CD2AP: variants seen among roughly 807,000 people sequenced by gnomAD.
CD2AP encodes CD2-associated protein.
In CD2AP, 46 loss-of-function variants were observed where a neutral mutation model predicts 85.1. The observed-to-expected ratio is 0.54, with a 90% confidence interval of 0.43 to 0.69. CD2AP has a LOEUF of 0.69. Among genes scored for constraint, CD2AP ranks in the 30% least tolerant of loss-of-function variants. The probability of loss-of-function intolerance (pLI) is 0.00; values close to 1 mark genes in which losing one functional copy is unlikely to be tolerated. For synonymous variants in CD2AP, 255 were observed against 252.9 expected, an observed-to-expected ratio of 1.01 and a Z score of -0.08; for missense variants, 769 against 729.5, an observed-to-expected ratio of 1.05 and a Z score of -0.62.
chr6:47,619,092 A>G (rs758595406), intron 17 of CD2AP, among the ~76,000 whole-genome samples: 1 of 152,102 alleles, frequency 6.6e-6, no homozygotes, highest in Non-Finnish European at 1.5e-5. Context: ...TTTTTTCCAT[A>G]CATTATTGGG....
chr6:47,522,131 G>A (rs926061841), intron 2 of CD2AP, among the ~76,000 whole-genome samples: 7 of 152,146 alleles, frequency 4.6e-5, no homozygotes, highest in Non-Finnish European at 8.8e-5. Context: ...TGCAGAGTCC[G>A]ATCACCTGAG....
intron 3 of CD2AP, among the ~76,000 whole-genome samples, chr6:47,539,057 T>G (rs1457893332): frequency 6.6e-6 from 1 of 152,206 alleles, no homozygotes; most frequent in Non-Finnish European, 1.5e-5. Context: ...TCTAGGCAAT[T>G]AATTAAATCT....
intron 17 of CD2AP, among the ~76,000 whole-genome samples, chr6:47,614,943 T>A (rs1769540345): frequency 6.6e-6 from 1 of 152,216 alleles, no homozygotes; most frequent in African/African-American, 2.4e-5. Context: ...ATTTCCTTTA[T>A]CTTTCTTAGC....
In CD2AP at chr6:47,493,592, G is replaced by A. The variant is rs1459128893; in HGVS notation, c.5-9688G>A. On this transcript the variant is annotated intron_variant, in intron 1 of 17. Coordinates refer to ENST00000359314, the MANE Select transcript of CD2AP (RefSeq NM_012120.3). ...TGTTCTCTTAGTTTTCCGGATGTGT[G>A]GTTTGGTGTACCTTATTATTTTTGG... Among the ~76,000 whole-genome samples, 4 of 151,622 alleles carry A rather than the reference G, an allele frequency of 2.6e-5. No homozygotes were observed. In the East Asian group the frequency reaches 5.8e-4, roughly 22 times the overall value.
At chr6:47,615,523 G>A (rs1194637960) in intron 17 of CD2AP, among the ~76,000 whole-genome samples, 1 of 152,040 alleles carries the variant, frequency 6.6e-6, no homozygotes, top group African/African-American at 2.4e-5. Flanking sequence ...TTCATGTGGC[G>A]AGAGAGGGAG....
intron 1 of CD2AP, among the ~76,000 whole-genome samples, chr6:47,502,209 TAGC>T (rs1168244561): frequency 2.0e-5 from 3 of 152,262 alleles, no homozygotes; most frequent in Non-Finnish European, 4.4e-5. Flanking sequence ...GCTTACAGCA[TAGC>T]AGCTTGTGTC....
Position 47,616,082 on chromosome 6 carries a change from C to CTTTTTTTTTTTTTTTTTTTTT in CD2AP, c.1878+3553_1878+3573dup, listed in dbSNP as rs562350159. ...GCAGGCATGAGCCACTGCGCCTGGC[C>CTTTTTTTTTTTTTTTTTTTTT]TTTTTTTTTTTTTTTTTTTTTTTTT... is the stretch of plus-strand genomic sequence containing the variant. On this transcript the variant is annotated intron_variant, in intron 17 of 17. Transcript: ENST00000359314. 7.8e-5 allele frequency among the ~76,000 whole-genome samples: 5 copies of CTTTTTTTTTTTTTTTTTTTTT among 63,812 alleles called. 1 individual carries two copies. Among genetic ancestry groups the CTTTTTTTTTTTTTTTTTTTTT allele is most frequent in the Non-Finnish European group, 1.2e-4 (4 of 34,518 alleles). 41.9% of individuals were successfully genotyped at this position (63,812 alleles called of 152,430 possible).
At chr6:47,570,087 T>A (rs1303397649) in intron 5 of CD2AP, among the ~76,000 whole-genome samples, 1 of 152,190 alleles carries the variant, frequency 6.6e-6, no homozygotes, top group Non-Finnish European at 1.5e-5. Context: ...AAAGATGACT[T>A]TAATGGTGAA....
intron 4 of CD2AP, among the ~76,000 whole-genome samples, chr6:47,551,185 T>TA (rs56246987): frequency 1.3e-5 from 2 of 151,314 alleles, no homozygotes; most frequent in South Asian, 4.2e-4. Context: ...CCTATGGAAA[T>TA]AAAAAAAAGA....
intron 2 of CD2AP, among the ~76,000 whole-genome samples, chr6:47,527,178 G>T (rs1008645952): frequency 6.6e-6 from 1 of 152,050 alleles, no homozygotes; most frequent in Non-Finnish European, 1.5e-5. Context: ...ACATGAAGAG[G>T]TCATGTTCAT....
intron 3 of CD2AP, among the ~76,000 whole-genome samples, chr6:47,538,757 T>C (rs1366521286): frequency 6.6e-6 from 1 of 152,190 alleles, no homozygotes; most frequent in African/African-American, 2.4e-5. Context: ...CAGTCTTCAG[T>C]GAGAAATGGT....
At chr6:47,553,513 A>ATTTTTTTTTTTTTTTTTTT (rs148273065) in intron 4 of CD2AP, among the ~76,000 whole-genome samples, 1 of 110,516 alleles carries the variant, frequency 9.0e-6, no homozygotes, top group East Asian at 2.7e-4. Context: ...CACCTAGTGA[A>ATTTTTTTTTTTTTTTTTTT]TTTTTTTTTT....
intron 2 of CD2AP, among the ~76,000 whole-genome samples, chr6:47,505,654 C>T (rs1216071334): frequency 1.1e-4 from 11 of 99,384 alleles, no homozygotes; most frequent in East Asian, 1.0e-3. Flanking sequence ...CCGGACGGGG[C>T]GGCTGGCCGG....
At chr6:47,609,548 A>C in intron 16 of CD2AP, 1 of 398,700 alleles carries the variant, frequency 2.5e-6, no homozygotes, top group African/African-American at 2.1e-5. Context: ...AAAAGAAAAG[A>C]AAAAGCCAGG....
At chr6:47,559,603 T>C (rs1297063393) in intron 5 of CD2AP, among the ~76,000 whole-genome samples, 2 of 152,142 alleles carry the variant, frequency 1.3e-5, no homozygotes, top group East Asian at 1.9e-4. Context: ...TAAAATTTAA[T>C]AGATGATTCT....
rs1230456723 is a variant in CD2AP at position 47,625,809 on chromosome 6, CTTACA to C, written c.*1586_*1590del. 1 of 151,538 alleles carries C rather than the reference CTTACA, an allele frequency of 6.6e-6. No individual in the cohort carries two copies. The highest frequency in any genetic ancestry group is 1.9e-4 in the East Asian group (1 of 5,190). The allele number at this position is 151,538 out of a possible 1,614,324, so 9.4% of individuals were successfully genotyped here. A position where few individuals can be genotyped will look rare whatever the true frequency, so the allele number is the denominator to read the frequency against. ...AAACAACATAATGTTTAATTTACAA[CTTACA>C]TTAGGGGTTTGGGGGAATGCTAATT... On this transcript the variant is annotated 3_prime_UTR_variant, in exon 18 of 18. Transcript: ENST00000359314.
rs1440969410 is a variant in CD2AP, at chr6:47,478,107, C to T, written c.-138C>T. The T allele has an allele frequency of 5.2e-6, 6 of 1,159,184 alleles. No homozygotes were observed. In the Admixed American group the frequency reaches 6.2e-5, roughly 12 times the overall value. The allele number at this position is 1,159,184 out of a possible 1,614,324, so 71.8% of individuals were successfully genotyped here. ...GCGCCGCGGGCGGATGGAGGCGACT[C>T]TTCGCCCCGCCTGAGCTCAGGAGGG... On this transcript the variant is annotated 5_prime_UTR_variant, in exon 1 of 18. Transcript: ENST00000359314.
At chr6:47,565,638 T>C (rs1372778235) in intron 5 of CD2AP, among the ~76,000 whole-genome samples, 4 of 152,150 alleles carry the variant, frequency 2.6e-5, no homozygotes, top group Non-Finnish European at 5.9e-5. Context: ...ATCCTTCTTT[T>C]ACTCAGGCCA....
At chr6:47,515,214 G>A (rs769616819) in intron 2 of CD2AP, among the ~76,000 whole-genome samples, 64 of 152,074 alleles carry the variant, frequency 4.2e-4, no homozygotes, top group Non-Finnish European at 7.9e-4. Flanking sequence ...GGGGAGTAAT[G>A]GGATTTAAGA....
Sources: allele counts gnomAD v4.1 joint callset (sites outside exome capture counted in the v4.1 genomes callset), GRCh38; gene constraint gnomAD v4.1.1; transcripts MANE v1.5; gene names NCBI Gene and HGNC (gene_info 2026-07-23, HGNC 2026-07-21).